The following WWP2 variants were observed in gnomAD, a reference collection of about 807,000 sequenced individuals.
The protein encoded by WWP2 is WW domain containing E3 ubiquitin protein ligase 2.
In WWP2, 57 loss-of-function variants were observed where a neutral mutation model predicts 121.0. The observed-to-expected ratio is 0.47, with a 90% confidence interval of 0.38 to 0.59. The LOEUF (loss-of-function observed/expected upper bound fraction) is 0.59, where lower values mean the gene tolerates loss of function less well. WWP2 is among the 20% of genes least tolerant of loss of function. The pLI is 0.00. For missense variants in WWP2, 962 were observed against 1,158.9 expected, an observed-to-expected ratio of 0.83 and a Z score of 2.47; for synonymous variants, 449 against 441.3, an observed-to-expected ratio of 1.02 and a Z score of -0.22.
At chr16:69,782,586 TA>T (rs2055687068) in intron 1 of WWP2, among the ~76,000 whole-genome samples, 1 of 152,202 alleles carries the variant, frequency 6.6e-6, no homozygotes. Context: ...GAGCTCTTGA[TA>T]AGAAGAGTTT....
chr16:69,769,177 C>T (rs564990952), intron 1 of WWP2, among the ~76,000 whole-genome samples: 18 of 152,108 alleles, frequency 1.2e-4, no homozygotes, highest in South Asian at 4.2e-4. Flanking sequence ...ACTAGTCAGG[C>T]GTGGTGACAG....
chr16:69,861,040 C>A (rs1489625425), intron 6 of WWP2, among the ~76,000 whole-genome samples: 3 of 152,174 alleles, frequency 2.0e-5, no homozygotes, highest in Non-Finnish European at 4.4e-5. Flanking sequence ...CTCTGCATTC[C>A]TTGGGGGCCA....
chr16:69,792,026 G>A (rs1195062122), intron 2 of WWP2, among the ~76,000 whole-genome samples: 2 of 151,940 alleles, frequency 1.3e-5, no homozygotes, highest in African/African-American at 4.8e-5. Flanking sequence ...GAAAATGGTG[G>A]GGGGAAAGAG....
intron 4 of WWP2, among the ~76,000 whole-genome samples, chr16:69,813,439 G>T (rs577306360): frequency 6.6e-6 from 1 of 152,186 alleles, no homozygotes; most frequent in East Asian, 1.9e-4. Flanking sequence ...TGGGATTACA[G>T]GCGTGAGCCA....
intron 12 of WWP2, 113 bp from the exon 13 acceptor site, chr16:69,930,017 A>G (rs2058689912): frequency 4.0e-6 from 6 of 1,504,504 alleles, no homozygotes; most frequent in Admixed American, 2.2e-5. Flanking sequence ...CATGTCCTCA[A>G]AGTCCCTCAT....
chr16:69,912,911 G>C, intron 9 of WWP2, among the ~76,000 whole-genome samples: 1 of 78,006 alleles, frequency 1.3e-5, no homozygotes, highest in African/African-American at 4.9e-5. Flanking sequence ...TGGAGAACCA[G>C]TCTCTACAAA....
chr16:69,784,702 C>T (rs1481254825), intron 1 of WWP2, among the ~76,000 whole-genome samples: 2 of 152,116 alleles, frequency 1.3e-5, no homozygotes, highest in African/African-American at 2.4e-5. Context: ...TCTTCTGCCG[C>T]CTGTTGAAGT....
At chr16:69,817,740 C>T (rs1267435377) in intron 4 of WWP2, among the ~76,000 whole-genome samples, 1 of 148,848 alleles carries the variant, frequency 6.7e-6, no homozygotes, top group Admixed American at 6.8e-5. Context: ...CTCATTGCAG[C>T]CTTGACCTCC....
At chr16:69,770,433 G>T (rs569368346) in intron 1 of WWP2, among the ~76,000 whole-genome samples, 1 of 152,286 alleles carries the variant, frequency 6.6e-6, no homozygotes, top group South Asian at 2.1e-4. Context: ...ACACGTGGAG[G>T]TTCTTGGAGG....
Position 69,935,788 on chromosome 16 carries a change from T to G in WWP2, c.1843-65T>G. 4 of 1,548,754 alleles carry G rather than the reference T, an allele frequency of 2.6e-6. No homozygotes were observed. Among genetic ancestry groups the G allele is most frequent in the Non-Finnish European group, 3.5e-6 (4 of 1,150,816 alleles). The stretch of plus-strand genomic sequence containing the variant: ...GTAGCAGAGTTTGATACCGAGCATC[T>G]GAGAGCTGGTCTTGGCAGTGCCCAG... On this transcript the variant is annotated intron_variant, in intron 17 of 23. Coordinates refer to ENST00000359154, the MANE Select transcript of WWP2 (RefSeq NM_001270454.2). The surrounding 1 kb of genome is among the most constrained non-coding windows in gnomAD (Gnocchi z 5.2).
chr16:69,904,368 G>A (rs1015855173), intron 8 of WWP2, among the ~76,000 whole-genome samples: 9 of 151,486 alleles, frequency 5.9e-5, no homozygotes, highest in Admixed American at 1.3e-4. Flanking sequence ...TATACCCAGT[G>A]CGCATTTTCT....
At chr16:69,872,458 G>A (rs114260751) in intron 7 of WWP2, among the ~76,000 whole-genome samples, 2,662 of 152,226 alleles carry the variant, frequency 0.017, 52 homozygotes, top group African/African-American at 0.055. Context: ...CCTTGTGATC[G>A]CCCGTCTTGG....
Position 69,939,867 on chromosome 16 carries a change from A to G in WWP2, c.2540A>G (p.Tyr847Cys). The change falls in exon 24 of 24, where the codon TAC becomes TGC. Residue 847 changes from tyrosine to cysteine, a missense_variant. Tyr to Cys is a radical substitution (Grantham distance 194). Coordinates refer to ENST00000359154, the MANE Select transcript of WWP2 (RefSeq NM_001270454.2). ...TCFNRLDLPPYKSYEQLREKL... is the reference protein window; with the variant it reads ...TCFNRLDLPPCKSYEQLREKL... ...TTCAACCGTCTGGATCTTCCACCCT[A>G]CAAGAGCTACGAACAGCTGAGAGAG... 1 of 1,613,868 alleles carries G rather than the reference A, an allele frequency of 6.2e-7. No individual in the cohort carries two copies. The highest frequency in any genetic ancestry group is 8.5e-7 in the Non-Finnish European group (1 of 1,179,904).
intron 4 of WWP2, chr16:69,838,827 C>G (rs1247126324): frequency 1.0e-6 from 1 of 985,332 alleles, no homozygotes; most frequent in East Asian, 1.1e-4. Flanking sequence ...TTGGAGAGAT[C>G]CATGGCAGGG....
chr16:69,900,257 A>G (rs1437156023), intron 8 of WWP2, among the ~76,000 whole-genome samples: 1 of 152,074 alleles, frequency 6.6e-6, no homozygotes, highest in African/African-American at 2.4e-5. Context: ...GAGTGTACCC[A>G]TTTTTGCTCC....
At chr16:69,922,924 C>G (rs1312703080) in intron 10 of WWP2, among the ~76,000 whole-genome samples, 1 of 151,600 alleles carries the variant, frequency 6.6e-6, no homozygotes, top group African/African-American at 2.4e-5. Context: ...GAGTCTCGCT[C>G]TGTTGCCCAG....
chr16:69,768,410 A>T (rs956888667), intron 1 of WWP2, among the ~76,000 whole-genome samples: 2 of 152,078 alleles, frequency 1.3e-5, no homozygotes, highest in African/African-American at 2.4e-5. Context: ...GGAGTTTAAG[A>T]CCAGCCTGGC....
At chr16:69,779,018 T>C (rs1370442716) in intron 1 of WWP2, among the ~76,000 whole-genome samples, 2 of 148,792 alleles carry the variant, frequency 1.3e-5, no homozygotes, top group East Asian at 2.0e-4. Context: ...GGTGCAATCT[T>C]GGCTCACTGC....
At chr16:69,872,457 C>T (rs958057788) in intron 7 of WWP2, among the ~76,000 whole-genome samples, 9 of 152,292 alleles carry the variant, frequency 5.9e-5, no homozygotes, top group South Asian at 2.1e-4. Context: ...ACCTTGTGAT[C>T]GCCCGTCTTG....
Sources: gnomAD v4.1 joint callset for allele counts (sites outside exome capture counted in the v4.1 genomes callset) on GRCh38, gnomAD v4.1.1 for gene constraint, Gnocchi (gnomAD v3.1) non-coding constraint, MANE v1.5 for transcripts, NCBI Gene and HGNC (gene_info 2026-07-23, HGNC 2026-07-21) for gene names.